FGF14: variants seen among roughly 807,000 people sequenced by gnomAD.
The protein encoded by FGF14 is fibroblast growth factor homologous factor 4.
Under a neutral mutation model 25.5 loss-of-function variants are expected in FGF14, and 5 were observed. That is an observed-to-expected ratio of 0.20 (90% CI 0.10 to 0.41). The LOEUF is 0.41. FGF14 is among the 10% of genes least tolerant of loss of function. The probability of loss-of-function intolerance (pLI) is 1.00; values close to 1 mark genes in which losing one functional copy is unlikely to be tolerated. For missense variants in FGF14, 222 were observed against 320.1 expected (o/e 0.69, Z 2.34); for synonymous variants, 138 against 118.3 (o/e 1.17, Z -1.08).
intron 1 of FGF14, among the ~76,000 whole-genome samples, chr13:101,963,462 T>TC (rs892856117): frequency 1.3e-5 from 2 of 152,112 alleles, no homozygotes; most frequent in Non-Finnish European, 2.9e-5. Flanking sequence ...CACCCTTTTT[T>TC]CCCCCTATGT....
intron 3 of FGF14, among the ~76,000 whole-genome samples, chr13:101,775,673 G>A (rs775497999): frequency 1.3e-5 from 2 of 152,102 alleles, no homozygotes; most frequent in African/African-American, 4.8e-5. Flanking sequence ...AGGATAGGGG[G>A]CCTAGGGAAA....
chr13:102,161,616 G>GTACCCC (rs2047692915), intron 1 of FGF14, among the ~76,000 whole-genome samples: 1 of 3,758 alleles, frequency 2.7e-4, no homozygotes, highest in African/African-American at 1.9e-3. Context: ...AGAAGAAGAA[G>GTACCCC]AAGAAGAAGA....
chr13:101,795,494 G>A (rs1406588722), intron 3 of FGF14, among the ~76,000 whole-genome samples: 4 of 152,048 alleles, frequency 2.6e-5, no homozygotes, highest in Non-Finnish European at 4.4e-5. Flanking sequence ...GAGGTTTGCT[G>A]TCTCCTTAAA....
intron 1 of FGF14, among the ~76,000 whole-genome samples, chr13:102,231,413 A>G (rs1242040808): frequency 6.6e-6 from 1 of 152,198 alleles, no homozygotes; most frequent in African/African-American, 2.4e-5. Flanking sequence ...TGGCTACAAG[A>G]ATAGGCTAGA....
chr13:101,849,696 T>G (rs1045269702), intron 3 of FGF14, among the ~76,000 whole-genome samples: 1 of 152,072 alleles, frequency 6.6e-6, no homozygotes, highest in African/African-American at 2.4e-5. Flanking sequence ...TGGCTGAGCA[T>G]AGTTTAGGTG....
At chr13:101,907,989 G>A (rs747701594) in intron 1 of FGF14, among the ~76,000 whole-genome samples, 1 of 152,144 alleles carries the variant, frequency 6.6e-6, no homozygotes, top group Non-Finnish European at 1.5e-5. Context: ...AAAAGCAGTT[G>A]TGGAGTATGT....
In FGF14 at chr13:102,145,343, C is replaced by G. The variant is rs576331900; in HGVS notation, c.208+256128G>C. Among the ~76,000 whole-genome samples, 188 of 152,166 alleles carry G rather than the reference C, an allele frequency of 1.2e-3. 2 individuals are homozygous for G. The highest frequency in any genetic ancestry group is 8.7e-3 in the South Asian group (42 of 4,818). ...GGGTGTTTTGGGCATTGTTGGGTGA[C>G]GTCTGGATCTGCTAAAGCTGTCTTG... On this transcript the variant is annotated intron_variant, in intron 1 of 4. Transcript: ENST00000376131.
At chr13:102,166,170 C>G (rs1376784779) in intron 1 of FGF14, among the ~76,000 whole-genome samples, 1 of 148,312 alleles carries the variant, frequency 6.7e-6, no homozygotes, top group Non-Finnish European at 1.5e-5. Flanking sequence ...TAAGTAAAAG[C>G]ATACAACATT....
chr13:102,122,771 T>G (rs1198075230), intron 1 of FGF14, among the ~76,000 whole-genome samples: 1 of 152,248 alleles, frequency 6.6e-6, no homozygotes, highest in Non-Finnish European at 1.5e-5. Context: ...TTATTGAGGA[T>G]GTAAATATTC....
intron 1 of FGF14, among the ~76,000 whole-genome samples, chr13:102,202,612 TC>T (rs1299519022): frequency 6.6e-6 from 1 of 152,222 alleles, no homozygotes; most frequent in Non-Finnish European, 1.5e-5. Flanking sequence ...TTAAACTTTC[TC>T]ATCTTAGCAG....
chr13:101,781,217 A>G (rs935105527), intron 3 of FGF14, among the ~76,000 whole-genome samples: 1 of 152,000 alleles, frequency 6.6e-6, no homozygotes, highest in Non-Finnish European at 1.5e-5. Context: ...GCCTTCCCAA[A>G]CTGATCTTGC....
At chr13:102,353,981 C>A in intron 1 of FGF14, 1 of 166,212 alleles carries the variant, frequency 6.0e-6, no homozygotes, top group Non-Finnish European at 1.3e-5. Context: ...TTTTGAAAGG[C>A]AAATGAATCT....
intron 1 of FGF14, among the ~76,000 whole-genome samples, chr13:102,360,636 C>G (rs1368424309): frequency 6.6e-6 from 1 of 152,048 alleles, no homozygotes; most frequent in Admixed American, 6.6e-5. Flanking sequence ...CAGGTAATAC[C>G]TCCACAGTAA....
chr13:102,099,351 C>T (rs902672409), intron 1 of FGF14, among the ~76,000 whole-genome samples: 1 of 152,168 alleles, frequency 6.6e-6, no homozygotes, highest in Non-Finnish European at 1.5e-5. Context: ...TGCTCTTGCA[C>T]CGCTAAGCAC....
intron 1 of FGF14, among the ~76,000 whole-genome samples, chr13:102,100,649 A>G (rs77399597): frequency 6.6e-6 from 1 of 152,220 alleles, no homozygotes; most frequent in East Asian, 1.9e-4. Context: ...AAGCAGAATG[A>G]TTTAGCCTCC....
At chr13:102,026,593 A>G (rs983978221) in intron 1 of FGF14, among the ~76,000 whole-genome samples, 4 of 151,922 alleles carry the variant, frequency 2.6e-5, no homozygotes, top group East Asian at 1.9e-4. Flanking sequence ...AGTGTTCTGT[A>G]TTATTTGTCG....
intron 1 of FGF14, among the ~76,000 whole-genome samples, chr13:102,219,890 CA>C (rs1237299534): frequency 6.6e-6 from 1 of 152,102 alleles, no homozygotes; most frequent in African/African-American, 2.4e-5. Flanking sequence ...ATCTTGTTAA[CA>C]GTAGCATTTA....
At chr13:101,891,172 T>C (rs2046250234) in intron 1 of FGF14, among the ~76,000 whole-genome samples, 1 of 152,128 alleles carries the variant, frequency 6.6e-6, no homozygotes, top group Admixed American at 6.6e-5. Context: ...AGGTGAGTAT[T>C]TTGTGTGAGG....
chr13:102,060,804 G>A (rs912344904), intron 1 of FGF14, among the ~76,000 whole-genome samples: 2 of 152,108 alleles, frequency 1.3e-5, no homozygotes, highest in African/African-American at 4.8e-5. Flanking sequence ...AAGCACCCCT[G>A]TTTTCGTGCC....
Sources: allele counts gnomAD v4.1 joint callset (sites outside exome capture counted in the v4.1 genomes callset), GRCh38; gene constraint gnomAD v4.1.1; transcripts MANE v1.5; gene names NCBI Gene and HGNC (gene_info 2026-07-23, HGNC 2026-07-21).